GPC5: variants seen among roughly 807,000 people sequenced by gnomAD.
GPC5 encodes the protein glypican 5, also known as glypican-5.
GPC5 carries 47 observed loss-of-function variants against 53.9 expected under a neutral mutation model. That is an observed-to-expected ratio of 0.87 (90% CI 0.69 to 1.11). The LOEUF (loss-of-function observed/expected upper bound fraction) is 1.11, where lower values mean the gene tolerates loss of function less well. Among genes scored for constraint, GPC5 ranks in the 50% most tolerant of loss-of-function variants. The probability of loss-of-function intolerance (pLI) is 0.00; values close to 1 mark genes in which losing one functional copy is unlikely to be tolerated. For synonymous variants in GPC5, 286 were observed against 263.3 expected, an observed-to-expected ratio of 1.09 and a Z score of -0.84; for missense variants, 748 against 713.1, an observed-to-expected ratio of 1.05 and a Z score of -0.56.
intron 6 of GPC5, among the ~76,000 whole-genome samples, chr13:92,075,015 G>T (rs967723735): frequency 1.3e-5 from 2 of 152,112 alleles, no homozygotes; most frequent in African/African-American, 4.8e-5. Flanking sequence ...GTTTAGTCCA[G>T]ATCATGATTC....
intron 7 of GPC5, among the ~76,000 whole-genome samples, chr13:92,237,217 A>G (rs1241707395): frequency 6.6e-6 from 1 of 152,050 alleles, no homozygotes; most frequent in Non-Finnish European, 1.5e-5. Context: ...CTTGTGTTTT[A>G]TTATTATGAT....
At chr13:91,459,316 AAAAAT>A (rs1052058243) in intron 2 of GPC5, among the ~76,000 whole-genome samples, 3 of 152,076 alleles carry the variant, frequency 2.0e-5, no homozygotes, top group Non-Finnish European at 4.4e-5. Context: ...AAATGAAATA[AAAAAT>A]AAAATAAGCA....
intron 6 of GPC5, among the ~76,000 whole-genome samples, chr13:91,973,853 T>C (rs1946218488): frequency 6.6e-6 from 1 of 152,082 alleles, no homozygotes; most frequent in African/African-American, 2.4e-5. Context: ...AAGTTTTGTC[T>C]CAGAGGAGTA....
intron 7 of GPC5, among the ~76,000 whole-genome samples, chr13:92,811,209 T>C (rs1239586466): frequency 2.0e-5 from 3 of 152,022 alleles, no homozygotes; most frequent in African/African-American, 7.3e-5. Flanking sequence ...GTATTTTGTT[T>C]CATTTCTTTT....
At chr13:92,592,251 C>G (rs113378372) in intron 7 of GPC5, among the ~76,000 whole-genome samples, 3,032 of 152,134 alleles carry the variant, frequency 0.02, 93 homozygotes, top group African/African-American at 0.057. Context: ...AGAATAGAGC[C>G]CATAAGTACC....
chr13:92,573,349 A>G lies in GPC5; in HGVS notation c.1562-292933A>G, dbSNP rs188712410. Among the ~76,000 whole-genome samples, 258 of 152,334 alleles carry G rather than the reference A, an allele frequency of 1.7e-3. 1 individual carries two copies. The highest frequency in any genetic ancestry group is 6.1e-3 in the African/African-American group (253 of 41,582). ...AACTGGCACTAAGCTGTTAGCTATT[A>G]TGTTAGTAGTCCAGTTATGAGAGAA... On this transcript the variant is annotated intron_variant, in intron 7 of 7. Transcript: ENST00000377067.
chr13:92,155,948 G>T (rs2041942022), intron 7 of GPC5, among the ~76,000 whole-genome samples: 1 of 152,044 alleles, frequency 6.6e-6, no homozygotes, highest in Admixed American at 6.6e-5. Flanking sequence ...AATATTTATG[G>T]TGATAAATTT....
chr13:92,261,809 T>C (rs891447775), intron 7 of GPC5, among the ~76,000 whole-genome samples: 26 of 152,238 alleles, frequency 1.7e-4, no homozygotes, highest in African/African-American at 6.0e-4. Context: ...ACAATAATTA[T>C]GAAAACTACA....
At chr13:91,886,151 T>G (rs2039319650) in intron 5 of GPC5, among the ~76,000 whole-genome samples, 1 of 152,162 alleles carries the variant, frequency 6.6e-6, no homozygotes, top group Non-Finnish European at 1.5e-5. Context: ...TGGGGAGGCC[T>G]CAAAGTCATG....
chr13:92,834,437 ATT>A (rs1878157178), intron 7 of GPC5, among the ~76,000 whole-genome samples: 1 of 152,120 alleles, frequency 6.6e-6, no homozygotes, highest in Non-Finnish European at 1.5e-5. Flanking sequence ...CCAAACTCAT[ATT>A]AAGGGGAAAG....
intron 7 of GPC5, among the ~76,000 whole-genome samples, chr13:92,754,336 A>T (rs542352879): frequency 1.3e-5 from 2 of 152,358 alleles, no homozygotes; most frequent in Admixed American, 1.3e-4. Flanking sequence ...GAAGCGCTAA[A>T]CATGGAAATG....
chr13:92,218,559 C>G (rs907845468), intron 7 of GPC5, among the ~76,000 whole-genome samples: 3 of 152,196 alleles, frequency 2.0e-5, no homozygotes, highest in African/African-American at 7.2e-5. Context: ...AGTTCAGCCC[C>G]TTTGTCCCCT....
At chr13:92,211,349 C>T (rs1343123021) in intron 7 of GPC5, among the ~76,000 whole-genome samples, 2 of 152,168 alleles carry the variant, frequency 1.3e-5, no homozygotes, top group Non-Finnish European at 2.9e-5. Flanking sequence ...AGAATCCATC[C>T]ATCTTGCTCT....
Position 91,728,455 on chromosome 13 carries a change from G to A in GPC5, c.1021-77G>A, listed in dbSNP as rs555289226. On this transcript the variant is annotated intron_variant, in intron 3 of 7. Coordinates refer to ENST00000377067, the MANE Select transcript of GPC5 (RefSeq NM_004466.6). The stretch of plus-strand genomic sequence containing the variant: ...GAAAGCAAAAACGTGTCATTGTTTT[G>A]GGCCCTATGAAACATCACATTCTCA... 5 of 1,372,902 alleles carry A rather than the reference G, an allele frequency of 3.6e-6. No individual in the cohort carries two copies. The South Asian group carries it at 6.1e-5, about 17-fold the overall frequency. The allele number at this position is 1,372,902 out of a possible 1,614,324, so 85.0% of individuals were successfully genotyped here.
chr13:92,173,429 T>G (rs951935801), intron 7 of GPC5, among the ~76,000 whole-genome samples: 2 of 152,210 alleles, frequency 1.3e-5, no homozygotes, highest in Non-Finnish European at 2.9e-5. Context: ...CATATTGCTT[T>G]TGTACATGTG....
chr13:92,287,361 G>GTC (rs1310424218), intron 7 of GPC5, among the ~76,000 whole-genome samples: 3 of 152,094 alleles, frequency 2.0e-5, no homozygotes, highest in African/African-American at 7.2e-5. Context: ...TTCTTTAAGT[G>GTC]TCTGTAAGGT....
intron 6 of GPC5, among the ~76,000 whole-genome samples, chr13:92,016,000 A>G (rs541815196): frequency 1.3e-5 from 2 of 152,196 alleles, no homozygotes; most frequent in Non-Finnish European, 2.9e-5. Context: ...GCAGGGAAAT[A>G]AGTGGAAAAG....
chr13:92,397,542 T>C (rs1262915934), intron 7 of GPC5, among the ~76,000 whole-genome samples: 2 of 152,224 alleles, frequency 1.3e-5, no homozygotes, highest in African/African-American at 2.4e-5. Flanking sequence ...TGTTTCTATC[T>C]TTGTATGATT....
chr13:92,654,713 A>C (rs1886068437), intron 7 of GPC5, among the ~76,000 whole-genome samples: 1 of 151,490 alleles, frequency 6.6e-6, no homozygotes, highest in African/African-American at 2.4e-5. Flanking sequence ...TAGTTTTGTA[A>C]TTTTATTTTT....
Sources: gnomAD v4.1 joint callset for allele counts (sites outside exome capture counted in the v4.1 genomes callset) on GRCh38, gnomAD v4.1.1 for gene constraint, MANE v1.5 for transcripts, NCBI Gene and HGNC (gene_info 2026-07-23, HGNC 2026-07-21) for gene names.